CDC37L1: variants seen among roughly 807,000 people sequenced by gnomAD.
The protein encoded by CDC37L1 is cell division cycle 37 like 1, HSP90 cochaperone.
CDC37L1 carries 32 observed loss-of-function variants against 45.9 expected under a neutral mutation model. That is an observed-to-expected ratio of 0.70 (90% confidence interval 0.53 to 0.94). The LOEUF (loss-of-function observed/expected upper bound fraction) is 0.94, where lower values mean the gene tolerates loss of function less well. Among genes scored for constraint, CDC37L1 ranks in the 40% least tolerant of loss-of-function variants. The pLI is 0.00. For synonymous variants in CDC37L1, 150 were observed against 133.0 expected (o/e 1.13, Z -0.88); for missense variants, 434 against 405.7 (o/e 1.07, Z -0.60).
At chr9:4,703,773 G>C (rs979748640) in intron 6 of CDC37L1, among the ~76,000 whole-genome samples, 1 of 152,180 alleles carries the variant, frequency 6.6e-6, no homozygotes, top group Non-Finnish European at 1.5e-5. Flanking sequence ...TTATTAGATA[G>C]CAACTATATA....
In CDC37L1 at chr9:4,687,887, A is replaced by G. The variant is rs1841264672; in HGVS notation, c.415-626A>G. 3.9e-5 allele frequency among the ~76,000 whole-genome samples: 6 copies of G among 152,320 alleles called. No individual in the cohort carries two copies. In the South Asian group the frequency reaches 1.2e-3, roughly 32 times the overall value. ...CACAAGTAAACTATGCATATAAAAT[A>G]TAAAGGATGTTTCTATACCTGCTTT... On this transcript the variant is annotated intron_variant, in intron 2 of 6. Coordinates refer to ENST00000381854, the MANE Select transcript of CDC37L1 (RefSeq NM_017913.4).
chr9:4,685,266 A>C (rs1841237067), intron 2 of CDC37L1, 108 bp downstream of exon 2: 6 of 867,822 alleles, frequency 6.9e-6, no homozygotes, highest in African/African-American at 1.7e-5. Flanking sequence ...AACAGTGTTC[A>C]ATTTTGACAG....
chr9:4,692,469 C>T (rs1267023345), intron 3 of CDC37L1, among the ~76,000 whole-genome samples: 2 of 152,006 alleles, frequency 1.3e-5, no homozygotes, highest in Non-Finnish European at 2.9e-5. Context: ...GGGGTTTCAC[C>T]ATGTTGGCCA....
intron 3 of CDC37L1, among the ~76,000 whole-genome samples, chr9:4,693,752 G>T (rs1841322252): frequency 6.6e-6 from 1 of 152,108 alleles, no homozygotes; most frequent in South Asian, 2.1e-4. Context: ...ATTTTGAATG[G>T]GTGCTTATCA....
At chr9:4,687,013 G>A (rs1205511172) in intron 2 of CDC37L1, among the ~76,000 whole-genome samples, 1 of 152,118 alleles carries the variant, frequency 6.6e-6, no homozygotes, top group Non-Finnish European at 1.5e-5. Flanking sequence ...GCTTTTTAAC[G>A]TGGCTAATAG....
At chr9:4,686,975 AATTT>A (rs1289727860) in intron 2 of CDC37L1, among the ~76,000 whole-genome samples, 1 of 152,248 alleles carries the variant, frequency 6.6e-6, no homozygotes, top group Admixed American at 6.5e-5. Flanking sequence ...TAAATAAAAT[AATTT>A]ATTAATGTCA....
At chr9:4,696,853 T>C (rs1347919484) in intron 3 of CDC37L1, among the ~76,000 whole-genome samples, 2 of 152,250 alleles carry the variant, frequency 1.3e-5, no homozygotes, top group South Asian at 2.1e-4. Flanking sequence ...ATTAATTATC[T>C]GAAATAAAAC....
intron 1 of CDC37L1, among the ~76,000 whole-genome samples, chr9:4,681,584 C>G (rs1284252832): frequency 9.9e-5 from 15 of 151,452 alleles, no homozygotes; most frequent in Admixed American, 9.9e-4. Flanking sequence ...TACAGTGAGC[C>G]GAGATCACAC....
rs1206333333 is a variant in CDC37L1, at chr9:4,699,458, A to ACAT, written c.747+1582_747+1584dup. Among the ~76,000 whole-genome samples, 27 of 152,302 alleles carry ACAT rather than the reference A, an allele frequency of 1.8e-4. No individual in the cohort carries two copies. In the South Asian group the frequency reaches 5.4e-3, roughly 30 times the overall value. ...TATTCATTCTGTAAAATACTAGCCA[A>ACAT]CATCAGCATGGATGGAAAAACAAGA... On this transcript the variant is annotated intron_variant, in intron 5 of 6. Coordinates refer to ENST00000381854, the MANE Select transcript of CDC37L1 (RefSeq NM_017913.4).
chr9:4,699,758 A>G (rs1331302276), intron 5 of CDC37L1, among the ~76,000 whole-genome samples: 1 of 152,156 alleles, frequency 6.6e-6, no homozygotes, highest in African/African-American at 2.4e-5. Context: ...GTAATGATCC[A>G]TATCCTAATT....
intron 2 of CDC37L1, among the ~76,000 whole-genome samples, chr9:4,688,267 GGATTACAGGCGTGA>G (rs1157690331): frequency 6.6e-6 from 1 of 152,124 alleles, no homozygotes; most frequent in East Asian, 1.9e-4. Context: ...CAAAGTGCTG[GGATTACAGGCGTGA>G]GCCACCACAC....
chr9:4,686,393 G>A (rs1381209787), intron 2 of CDC37L1, among the ~76,000 whole-genome samples: 1 of 151,818 alleles, frequency 6.6e-6, no homozygotes, highest in East Asian at 1.9e-4. Context: ...CCTCCACAAT[G>A]GGATCATTCT....
At chr9:4,685,986 A>C (rs1231535386) in intron 2 of CDC37L1, among the ~76,000 whole-genome samples, 3 of 152,172 alleles carry the variant, frequency 2.0e-5, no homozygotes, top group African/African-American at 4.8e-5. Context: ...GACATGATGA[A>C]ACCCTGTCTC....
Position 4,686,363 on chromosome 9 carries a change from TTA to T in CDC37L1, c.414+1212_414+1213del, listed in dbSNP as rs1841247383. On this transcript the variant is annotated intron_variant, in intron 2 of 6. Transcript: ENST00000381854. The stretch of plus-strand genomic sequence containing the variant: ...CGACTTTCTCTGTGCCTGTACTAAT[TTA>T]TATATACTTTTTCTCCCCCTCCACA... 2.0e-5 allele frequency among the ~76,000 whole-genome samples: 3 copies of T among 152,352 alleles called. 1 individual carries two copies. The highest frequency in any genetic ancestry group is 1.5e-5 in the Non-Finnish European group (1 of 68,036).
intron 6 of CDC37L1, among the ~76,000 whole-genome samples, chr9:4,705,388 T>G (rs1019729416): frequency 1.3e-5 from 2 of 152,312 alleles, no homozygotes; most frequent in African/African-American, 4.8e-5. Context: ...ATGTTTTCTA[T>G]TCCCAGTTTT....
Position 4,679,789 on chromosome 9 carries a change from C to T in CDC37L1, c.22C>T (p.Pro8Ser). 1 of 1,613,352 alleles carries T rather than the reference C, an allele frequency of 6.2e-7. No individual in the cohort carries two copies. The highest frequency in any genetic ancestry group is 8.5e-7 in the Non-Finnish European group (1 of 1,179,650). ...GGACATGGAACAACCGTGGCCGCCT[C>T]CGGGACCCTGGAGCCTCCCTCGGGC... is the stretch of plus-strand genomic sequence containing the variant. MEQPWPP[P>S]GPWSLPRAEG... The change falls in exon 1 of 7, where the codon CCG becomes TCG. Residue 8 changes from proline to serine, a missense_variant. Coordinates refer to ENST00000381854, the MANE Select transcript of CDC37L1 (RefSeq NM_017913.4).
At chr9:4,704,766 A>G (rs186916717) in intron 6 of CDC37L1, among the ~76,000 whole-genome samples, 22 of 152,284 alleles carry the variant, frequency 1.4e-4, no homozygotes, top group Admixed American at 4.6e-4. Flanking sequence ...ATCGTGTGAA[A>G]TAAGCCAAAT....
chr9:4,700,274 G>C (rs1350047845), intron 5 of CDC37L1, among the ~76,000 whole-genome samples: 1 of 151,974 alleles, frequency 6.6e-6, no homozygotes, highest in Admixed American at 6.6e-5. Flanking sequence ...TCCTGCCTCA[G>C]ATTCCCAGGT....
chr9:4,683,109 AAAAT>A (rs1841213850), intron 1 of CDC37L1, among the ~76,000 whole-genome samples: 1 of 143,720 alleles, frequency 7.0e-6, no homozygotes, highest in Non-Finnish European at 1.5e-5. Context: ...TTTTATATAT[AAAAT>A]ATATTTTATA....
Sources: allele counts gnomAD v4.1 joint callset (sites outside exome capture counted in the v4.1 genomes callset), GRCh38; gene constraint gnomAD v4.1.1; transcripts MANE v1.5; gene names NCBI Gene and HGNC (gene_info 2026-07-23, HGNC 2026-07-21).